Variants in AP1S3 observed in about 807,000 individuals in gnomAD.
AP1S3 encodes AP-1 complex subunit sigma-3.
In AP1S3, 10 loss-of-function variants were observed where a neutral mutation model predicts 20.9. That is an observed-to-expected ratio of 0.48 (90% CI 0.29 to 0.81). The LOEUF (loss-of-function observed/expected upper bound fraction) is 0.81, where lower values mean the gene tolerates loss of function less well. Ranked by LOEUF, AP1S3 falls within the 30% of genes least tolerant of loss-of-function variation. The pLI, the probability that AP1S3 is intolerant of heterozygous loss-of-function variation, is 0.08. For missense variants in AP1S3, 154 were observed against 183.8 expected, an observed-to-expected ratio of 0.84 and a Z score of 0.94; for synonymous variants, 41 against 61.5, an observed-to-expected ratio of 0.67 and a Z score of 1.56.
chr2:223,807,130 G>A (rs1195183023), intron 1 of AP1S3, among the ~76,000 whole-genome samples: 2 of 152,102 alleles, frequency 1.3e-5, no homozygotes, highest in African/African-American at 4.8e-5. Flanking sequence ...AGACAGGCAT[G>A]GTGGTGCACA....
intron 1 of AP1S3, among the ~76,000 whole-genome samples, chr2:223,798,111 A>G (rs1262858045): frequency 6.6e-6 from 1 of 152,164 alleles, no homozygotes; most frequent in Non-Finnish European, 1.5e-5. Flanking sequence ...TTTCCCCTCA[A>G]GATTGCCAGC....
At chr2:223,777,647 C>T (rs769486169) in intron 2 of AP1S3, 44 bp downstream of exon 2, 1 of 1,565,460 alleles carries the variant, frequency 6.4e-7, no homozygotes. Flanking sequence ...TAGAACAAAC[C>T]AAAGTAAGAC....
chr2:223,832,825 T>C (rs1393987886), intron 1 of AP1S3, among the ~76,000 whole-genome samples: 1 of 127,694 alleles, frequency 7.8e-6, no homozygotes, highest in East Asian at 2.2e-4. Context: ...TTTTTTTTTT[T>C]AGGAGAAGGG....
intron 3 of AP1S3, among the ~76,000 whole-genome samples, chr2:223,766,027 A>T (rs575986434): frequency 3.3e-5 from 5 of 152,144 alleles, no homozygotes; most frequent in Non-Finnish European, 5.9e-5. Context: ...TGTTTATTTA[A>T]GTGTAGCAAG....
At chr2:223,788,843 T>G (rs1473844429) in intron 1 of AP1S3, among the ~76,000 whole-genome samples, 1 of 151,906 alleles carries the variant, frequency 6.6e-6, no homozygotes, top group Non-Finnish European at 1.5e-5. Flanking sequence ...TAAACCTAAT[T>G]CAGAGCCTGA....
At chr2:223,790,610 G>C (rs1270113617) in intron 1 of AP1S3, among the ~76,000 whole-genome samples, 1 of 152,010 alleles carries the variant, frequency 6.6e-6, no homozygotes, top group Non-Finnish European at 1.5e-5. Flanking sequence ...TAGTCTACTG[G>C]CCTGTAGGTA....
At chr2:223,771,545 A>C (rs941861256) in intron 3 of AP1S3, among the ~76,000 whole-genome samples, 15 of 152,116 alleles carry the variant, frequency 9.9e-5, no homozygotes, top group Non-Finnish European at 1.8e-4. Flanking sequence ...AAAGCTTTCA[A>C]ATGGTAGAAA....
At chr2:223,792,971 A>G (rs1691244291) in intron 1 of AP1S3, among the ~76,000 whole-genome samples, 1 of 152,236 alleles carries the variant, frequency 6.6e-6, no homozygotes, top group African/African-American at 2.4e-5. Context: ...ACATGAAAAA[A>G]AAGCTCAGCA....
chr2:223,755,528 C>CTTTTTT lies in AP1S3; in HGVS notation c.*3186_*3187insAAAAAA, dbSNP rs1559270524. Among the ~76,000 whole-genome samples the CTTTTTT allele has an allele frequency of 1.2e-5, 1 of 80,978 alleles. No individual in the cohort carries two copies. Among genetic ancestry groups the CTTTTTT allele is most frequent in the African/African-American group, 4.5e-5 (1 of 22,070 alleles). The allele number at this position is 80,978 out of a possible 152,430, so 53.1% of individuals were successfully genotyped here. Reference sequence around the variant, plus strand: ...CCATATAGATATGTTTACTTACTTTCATTTTTTTTTTTTTTTTTTTGAGAC... The same window carrying CTTTTTT: ...CCATATAGATATGTTTACTTACTTTCTTTTTTATTTTTTTTTTTTTTTTTTTGAGAC... On this transcript the variant is annotated 3_prime_UTR_variant, in exon 5 of 5. Transcript: ENST00000396654.
chr2:223,768,386 T>G (rs1574687746), intron 3 of AP1S3, among the ~76,000 whole-genome samples: 1 of 152,190 alleles, frequency 6.6e-6, no homozygotes, highest in Non-Finnish European at 1.5e-5. Flanking sequence ...CATCACTTCC[T>G]GTGGGTTCTC....
intron 1 of AP1S3, among the ~76,000 whole-genome samples, chr2:223,798,007 C>T (rs1408014278): frequency 6.6e-6 from 1 of 152,170 alleles, no homozygotes; most frequent in Non-Finnish European, 1.5e-5. Flanking sequence ...ACCCAAGAAC[C>T]TCGCTTCTAT....
Position 223,757,823 on chromosome 2 carries a change from G to C in AP1S3, c.*892C>G, listed in dbSNP as rs1574679719. On this transcript the variant is annotated 3_prime_UTR_variant, in exon 5 of 5. Coordinates refer to ENST00000396654, the MANE Select transcript of AP1S3 (RefSeq NM_001039569.2). ...GTAATAAGTCTTCAAATGCATTAGAGATACATTAAAACATATTTGAAATGA... is the reference window on the plus strand; with the variant it reads ...GTAATAAGTCTTCAAATGCATTAGACATACATTAAAACATATTTGAAATGA... 1 of 985,114 alleles carries C rather than the reference G, an allele frequency of 1.0e-6. No individual in the cohort carries two copies. Among genetic ancestry groups the C allele is most frequent in the Non-Finnish European group, 1.2e-6 (1 of 829,684 alleles). 61.0% of individuals were successfully genotyped at this position (985,114 alleles called of 1,614,324 possible).
intron 4 of AP1S3, among the ~76,000 whole-genome samples, chr2:223,761,519 G>C (rs116183356): frequency 6.6e-6 from 1 of 152,070 alleles, no homozygotes; most frequent in Non-Finnish European, 1.5e-5. Flanking sequence ...TGACCTCTCG[G>C]GCTCAAGTGA....
chr2:223,792,317 A>G (rs748699103), intron 1 of AP1S3, among the ~76,000 whole-genome samples: 2 of 152,182 alleles, frequency 1.3e-5, no homozygotes, highest in Non-Finnish European at 2.9e-5. Context: ...CCAAAACAGC[A>G]TGGTACTGGT....
intron 1 of AP1S3, among the ~76,000 whole-genome samples, chr2:223,813,072 C>T (rs544362822): frequency 6.6e-6 from 1 of 151,848 alleles, no homozygotes; most frequent in Non-Finnish European, 1.5e-5. Context: ...AGGATTATAG[C>T]CGTGTGCCAC....
intron 4 of AP1S3, among the ~76,000 whole-genome samples, chr2:223,763,672 A>C (rs528194823): frequency 6.6e-6 from 1 of 152,224 alleles, no homozygotes; most frequent in South Asian, 2.1e-4. Flanking sequence ...GAGGTCAGAC[A>C]CCTCTGGTAA....
chr2:223,801,940 G>A (rs1339610034), intron 1 of AP1S3, among the ~76,000 whole-genome samples: 1 of 152,202 alleles, frequency 6.6e-6, no homozygotes, highest in Non-Finnish European at 1.5e-5. Flanking sequence ...TCACAGAAGT[G>A]ACAATAAAAT....
At position 223,756,989 on chromosome 2, in the gene AP1S3, T is replaced by C. The variant is rs78108563; in HGVS notation, c.*1726A>G. 5.3e-6 allele frequency: 1 copy of C among 187,922 alleles called. No homozygotes were observed. The highest frequency in any genetic ancestry group is 8.1e-6 in the Non-Finnish European group (1 of 124,102). The allele number at this position is 187,922 out of a possible 1,614,324, so 11.6% of individuals were successfully genotyped here. ...GAATACTACAAGCTTTTACTTTTTC[T>C]TTTTTTTTTTTTTTTTCTTGAGACG... On this transcript the variant is annotated 3_prime_UTR_variant, in exon 5 of 5. Coordinates refer to ENST00000396654, the MANE Select transcript of AP1S3 (RefSeq NM_001039569.2).
chr2:223,758,807 A>G lies in AP1S3; in HGVS notation c.430-57T>C, dbSNP rs1330638478. On this transcript the variant is annotated intron_variant, in intron 4 of 4. Transcript: ENST00000396654. ...CCCTTTAAGTCACAGCCTTCCGCAG[A>G]CTGTGAAATCTTCTGCATTCTTTTA... 12 of 1,437,440 alleles carry G rather than the reference A, an allele frequency of 8.3e-6. No individual in the cohort carries two copies. In the East Asian group the frequency reaches 2.3e-4, roughly 28 times the overall value. 89.0% of individuals were successfully genotyped at this position (1,437,440 alleles called of 1,614,324 possible).
Sources: allele counts gnomAD v4.1 joint callset (sites outside exome capture counted in the v4.1 genomes callset), GRCh38; gene constraint gnomAD v4.1.1; transcripts MANE v1.5; gene names NCBI Gene and HGNC (gene_info 2026-07-23, HGNC 2026-07-21).